Variants in FGF14 observed in about 807,000 individuals in gnomAD.
FGF14 encodes the protein fibroblast growth factor 14.
In FGF14, 5 loss-of-function variants were observed where a neutral mutation model predicts 25.5. That is an observed-to-expected ratio of 0.20 (90% CI 0.10 to 0.41). The LOEUF (loss-of-function observed/expected upper bound fraction) is 0.41. FGF14 is among the 10% of genes least tolerant of loss of function. The pLI is 1.00. For missense variants in FGF14, 222 were observed against 320.1 expected (o/e 0.69, Z 2.34); for synonymous variants, 138 against 118.3 (o/e 1.17, Z -1.08).
intron 3 of FGF14, among the ~76,000 whole-genome samples, chr13:101,852,125 G>T (rs189992770): frequency 8.5e-5 from 13 of 152,106 alleles, no homozygotes; most frequent in African/African-American, 2.9e-4. Context: ...TGCTACTGAG[G>T]TGTTTTTATT....
intron 1 of FGF14, among the ~76,000 whole-genome samples, chr13:102,166,698 G>A (rs1369864583): frequency 1.3e-5 from 2 of 152,118 alleles, no homozygotes; most frequent in South Asian, 2.1e-4. Flanking sequence ...TCAGACATGA[G>A]TTACAATGTC....
intron 1 of FGF14, among the ~76,000 whole-genome samples, chr13:101,951,636 T>A (rs997895473): frequency 6.6e-6 from 1 of 152,164 alleles, no homozygotes; most frequent in Admixed American, 6.5e-5. Context: ...CTTGAGCTTG[T>A]TGATTTTCAA....
At chr13:101,871,051 C>T (rs1002204634) in intron 2 of FGF14, among the ~76,000 whole-genome samples, 1 of 151,970 alleles carries the variant, frequency 6.6e-6, no homozygotes, top group Non-Finnish European at 1.5e-5. Flanking sequence ...AAAGTGAATG[C>T]TTATGTACAC....
intron 1 of FGF14, among the ~76,000 whole-genome samples, chr13:102,375,395 T>C (rs543026513): frequency 3.9e-4 from 60 of 152,266 alleles, no homozygotes; most frequent in Non-Finnish European, 6.0e-4. Context: ...GTAATACAAA[T>C]AATAAAATGT....
intron 1 of FGF14, among the ~76,000 whole-genome samples, chr13:102,224,253 C>A (rs1198304744): frequency 6.6e-6 from 1 of 152,134 alleles, no homozygotes; most frequent in African/African-American, 2.4e-5. Context: ...CCCCGTATTA[C>A]ATCGGCAGGG....
At chr13:101,756,473 G>A (rs772659927) in intron 3 of FGF14, among the ~76,000 whole-genome samples, 6 of 152,106 alleles carry the variant, frequency 3.9e-5, no homozygotes, top group East Asian at 1.9e-4. Context: ...GGTGGCTCAC[G>A]CCTGTAATCC....
chr13:101,955,323 G>A (rs141063702), intron 1 of FGF14, among the ~76,000 whole-genome samples: 2 of 152,348 alleles, frequency 1.3e-5, no homozygotes, highest in East Asian at 3.9e-4. Context: ...CTTCTAATGT[G>A]GCTTCAATGA....
intron 1 of FGF14, among the ~76,000 whole-genome samples, chr13:101,878,710 T>G (rs989573964): frequency 6.6e-6 from 1 of 151,270 alleles, no homozygotes; most frequent in Admixed American, 6.6e-5. Context: ...GCCAAAAGAG[T>G]TTGAAAATGT....
At chr13:101,895,235 T>G (rs1376677231) in intron 1 of FGF14, among the ~76,000 whole-genome samples, 1 of 152,148 alleles carries the variant, frequency 6.6e-6, no homozygotes, top group African/African-American at 2.4e-5. Context: ...GAAAGATCAT[T>G]TTACAAGGTA....
intron 3 of FGF14, among the ~76,000 whole-genome samples, chr13:101,803,114 C>G (rs2040985092): frequency 6.7e-6 from 1 of 149,574 alleles, no homozygotes; most frequent in Admixed American, 6.6e-5. Flanking sequence ...TAGTTAAGTG[C>G]TGTCATTTTG....
At chr13:101,995,886 G>A (rs1341775342) in intron 1 of FGF14, among the ~76,000 whole-genome samples, 1 of 152,036 alleles carries the variant, frequency 6.6e-6, no homozygotes, top group Non-Finnish European at 1.5e-5. Flanking sequence ...TGGGAGTTAG[G>A]AATAGTTAAA....
rs187464888 is a variant in FGF14 at position 102,080,796 on chromosome 13, A to G, written c.209-205500T>C. ...TCTGTGGGAATAATCTAATTTACCCACATTTGTGAAAAGTACCTTTATTAG... is the reference window on the plus strand; with the variant it reads ...TCTGTGGGAATAATCTAATTTACCCGCATTTGTGAAAAGTACCTTTATTAG... On this transcript the variant is annotated intron_variant, in intron 1 of 4. Transcript: ENST00000376131. Among the ~76,000 whole-genome samples the G allele has an allele frequency of 1.6e-4, 25 of 152,350 alleles. No individual in the cohort carries two copies. The East Asian group carries it at 2.3e-3, about 14-fold the overall frequency.
chr13:101,867,474 A>G (rs1254007633), intron 3 of FGF14, among the ~76,000 whole-genome samples: 1 of 152,208 alleles, frequency 6.6e-6, no homozygotes, highest in Non-Finnish European at 1.5e-5. Context: ...GCATCTAATG[A>G]TGTTTAGGCC....
At chr13:102,009,112 T>C (rs1407702032) in intron 1 of FGF14, among the ~76,000 whole-genome samples, 1 of 152,206 alleles carries the variant, frequency 6.6e-6, no homozygotes, top group Middle Eastern at 3.2e-3. Flanking sequence ...AAAAGCCGTA[T>C]ATTTTACATG....
chr13:101,732,658 C>G (rs1183588663), intron 3 of FGF14, among the ~76,000 whole-genome samples: 1 of 147,214 alleles, frequency 6.8e-6, no homozygotes, highest in Non-Finnish European at 1.5e-5. Flanking sequence ...TTTCAAATAT[C>G]AAATAAGATA....
chr13:101,824,818 G>A (rs2984847), intron 3 of FGF14, among the ~76,000 whole-genome samples: 100,484 of 151,844 alleles, frequency 0.66, 33,502 homozygotes, highest in African/African-American at 0.75. Context: ...GATCACCAAT[G>A]ATTTTAATCA....
rs143804777 is a variant in FGF14, at chr13:101,943,495, A to G, written c.209-68199T>C. 2.0e-5 allele frequency among the ~76,000 whole-genome samples: 3 copies of G among 152,330 alleles called. No homozygotes were observed. In the East Asian group the frequency reaches 5.8e-4, roughly 29 times the overall value. Reference sequence around the variant, plus strand: ...AGCCAGAGATGCTGCTAAACATTCTACAAGGCTCAAGACAGCCCCTCACAA... The same window carrying G: ...AGCCAGAGATGCTGCTAAACATTCTGCAAGGCTCAAGACAGCCCCTCACAA... On this transcript the variant is annotated intron_variant, in intron 1 of 4. Coordinates refer to the FGF14 transcript ENST00000376131.
chr13:102,130,740 C>T (rs2046161616), intron 1 of FGF14, among the ~76,000 whole-genome samples: 1 of 152,156 alleles, frequency 6.6e-6, no homozygotes, highest in Non-Finnish European at 1.5e-5. Context: ...TCAAACATCA[C>T]ATCCACCTGT....
intron 1 of FGF14, among the ~76,000 whole-genome samples, chr13:102,355,531 T>C (rs2057397175): frequency 6.7e-6 from 1 of 150,306 alleles, no homozygotes; most frequent in Non-Finnish European, 1.5e-5. Context: ...GTAGGAATGT[T>C]TGCCTTAGGA....
Sources: allele counts gnomAD v4.1 joint callset (sites outside exome capture counted in the v4.1 genomes callset), GRCh38; gene constraint gnomAD v4.1.1; transcripts MANE v1.5; gene names NCBI Gene and HGNC (gene_info 2026-07-23, HGNC 2026-07-21).